The following SRPX2 variants were observed in gnomAD, a reference collection of about 807,000 sequenced individuals.
The protein encoded by SRPX2 is sushi repeat containing protein X-linked 2, also known as sushi repeat-containing protein SRPX2.
In SRPX2, 26 loss-of-function variants were observed where a neutral mutation model predicts 45.3. The ratio of observed to expected loss-of-function variants is 0.57; its 90% CI spans 0.42 to 0.80. The LOEUF (loss-of-function observed/expected upper bound fraction) is 0.80, where lower values mean the gene tolerates loss of function less well. SRPX2 is among the 30% of genes least tolerant of loss of function. The pLI, the probability that SRPX2 is intolerant of heterozygous loss-of-function variation, is 0.00. For synonymous variants in SRPX2, 125 were observed against 143.7 expected (o/e 0.87, Z 0.93); for missense variants, 355 against 399.8 (o/e 0.89, Z 0.95).
intron 4 of SRPX2, 95 bp downstream of exon 4, chrX:100,662,462 C>T: frequency 1.0e-6 from 1 of 991,880 alleles, no homozygotes; most frequent in Non-Finnish European, 1.4e-6. Flanking sequence ...TACTAATATG[C>T]CCTTCTCTCA....
Position 100,644,434 on chromosome X carries a change from G to T in SRPX2, c.-212G>T, listed in dbSNP as rs1395645676. ...CGTTCTAGGAATGTTAAAGTAGAAG[G>T]TTTTTTCCAATTGATGAGAGGAGCA... On this transcript the variant is annotated 5_prime_UTR_variant, in exon 1 of 11. Transcript: ENST00000373004. 1 of 111,798 alleles carries T rather than the reference G, an allele frequency of 8.9e-6. No homozygotes were observed. Among genetic ancestry groups the T allele is most frequent in the Non-Finnish European group, 1.9e-5 (1 of 53,215 alleles). The allele number at this position is 111,798 out of a possible 1,213,427, so 9.2% of individuals were successfully genotyped here.
At chrX:100,649,954 G>A (rs2083147359) in intron 2 of SRPX2, among the ~76,000 whole-genome samples, 1 of 112,065 alleles carries the variant, frequency 8.9e-6, no homozygotes, top group African/African-American at 3.2e-5. Flanking sequence ...TTTCCAATTA[G>A]TTCGTATTCA....
At chrX:100,669,185 G>A in intron 9 of SRPX2, 63 bp from the exon 10 acceptor site, 1 of 1,205,997 alleles carries the variant, frequency 8.3e-7, no homozygotes, top group South Asian at 1.8e-5. Context: ...GGAGGAATCA[G>A]CCAAGTAGCC....
chrX:100,645,322 A>C (rs996942608), intron 1 of SRPX2, among the ~76,000 whole-genome samples: 18 of 112,102 alleles, frequency 1.6e-4, no homozygotes, highest in African/African-American at 5.8e-4. Flanking sequence ...TGTCATTTAC[A>C]AAGTATTTGC....
At position 100,673,163 on chromosome X, in the gene SRPX2, A is replaced by G. The variant is rs2083235968; in HGVS notation, c.*2176A>G. On this transcript the variant is annotated 3_prime_UTR_variant, in exon 11 of 11. Coordinates refer to ENST00000373004, the MANE Select transcript of SRPX2 (RefSeq NM_014467.3). ...GAGATGAATGCCCTTCGTTGTCTTT[A>G]TCACTAACACTTCAAATGGGGCAAG... 1.8e-5 allele frequency: 2 copies of G among 111,786 alleles called. No homozygotes were observed. The highest frequency in any genetic ancestry group is 3.8e-5 in the Non-Finnish European group (2 of 53,197). The allele number at this position is 111,786 out of a possible 1,213,427, so 9.2% of individuals were successfully genotyped here. A position where few individuals can be genotyped will look rare whatever the true frequency, so the allele number is the denominator to read the frequency against.
chrX:100,664,236 T>C (rs1314432606), intron 4 of SRPX2, among the ~76,000 whole-genome samples: 2 of 108,753 alleles, frequency 1.8e-5, no homozygotes, highest in African/African-American at 3.4e-5. Flanking sequence ...TTTTTTACTC[T>C]TGATAAGTTG....
At position 100,662,350 on chromosome X, in the gene SRPX2, G is replaced by C. The variant is rs200034929; in HGVS notation, c.338G>C (p.Gly113Ala). 1 of 1,210,181 alleles carries C rather than the reference G, an allele frequency of 8.3e-7. No homozygotes were observed. The highest frequency in any genetic ancestry group is 1.1e-6 in the Non-Finnish European group (1 of 895,427). The change falls in exon 4 of 11, where the codon GGA becomes GCA. Residue 113 changes from glycine (G) to alanine (A), a missense_variant. Coordinates refer to ENST00000373004, the MANE Select transcript of SRPX2 (RefSeq NM_014467.3). ...TGCCTGCCAAGCCGTCGTTGGTCTG[G>C]AACTGCCTACTGCAGGCGTAAGTTG... ...VQCLPSRRWSGTAYCRQMRCH... is the reference protein window; with the variant it reads ...VQCLPSRRWSATAYCRQMRCH...
chrX:100,670,516 C>T (rs2083220699), intron 10 of SRPX2, among the ~76,000 whole-genome samples: 1 of 111,891 alleles, frequency 8.9e-6, no homozygotes, highest in African/African-American at 3.3e-5. Context: ...TGTGATAGCC[C>T]TGCTTAAAGG....
At position 100,662,499 on chromosome X, in the gene SRPX2, C is replaced by A. The variant is rs1569361076; in HGVS notation, c.355+132C>A. 3.9e-6 allele frequency: 3 copies of A among 769,112 alleles called. No individual in the cohort carries two copies. The East Asian group carries it at 9.8e-5, about 25-fold the overall frequency. 63.4% of individuals were successfully genotyped at this position (769,112 alleles called of 1,213,427 possible). A position where few individuals can be genotyped will look rare whatever the true frequency, so the allele number is the denominator to read the frequency against. ...GTACAAATTGAGAATATTCCATAAG[C>A]CCCCCAGCAGGGCCTTTCCCCATTC... On this transcript the variant is annotated intron_variant, in intron 4 of 10. Transcript: ENST00000373004.
At chrX:100,657,109 G>C (rs1039225457) in intron 3 of SRPX2, among the ~76,000 whole-genome samples, 1 of 108,593 alleles carries the variant, frequency 9.2e-6, no homozygotes, top group African/African-American at 3.3e-5. Flanking sequence ...TGTATTTTTA[G>C]TAGAGACGGG....
At chrX:100,654,887 C>T (rs1457398383) in intron 3 of SRPX2, among the ~76,000 whole-genome samples, 1 of 112,246 alleles carries the variant, frequency 8.9e-6, no homozygotes. Context: ...TATCCCAACT[C>T]CTAGCTTGGA....
Position 100,667,351 on chromosome X carries a change from A to C in SRPX2, c.1039A>C (p.Ile347Leu). 8.3e-7 allele frequency: 1 copy of C among 1,211,643 alleles called. No homozygotes were observed. The highest frequency in any genetic ancestry group is 1.8e-5 in the South Asian group (1 of 56,991). Residue 347 changes from isoleucine (I) to leucine (L), a missense_variant, in exon 9 of 11, where the codon ATC becomes CTC. Coordinates refer to ENST00000373004, the MANE Select transcript of SRPX2 (RefSeq NM_014467.3). ...CTATGAGAAACAGCGACTCCTCATC[A>C]TCTCAGCTCCTGATCCTTCCAACCG... The part of the protein sequence containing the change: ...QFYEKQRLLI[I>L]SAPDPSNRYY...
intron 3 of SRPX2, among the ~76,000 whole-genome samples, chrX:100,661,949 T>G (rs1436383544): frequency 6.9e-5 from 7 of 101,565 alleles, no homozygotes; most frequent in Non-Finnish European, 1.2e-4. Flanking sequence ...TTTTTTTTTT[T>G]TTTTTTTTTT....
intron 2 of SRPX2, among the ~76,000 whole-genome samples, chrX:100,648,931 C>A (rs1350580429): frequency 8.9e-6 from 1 of 112,669 alleles, no homozygotes; most frequent in Middle Eastern, 4.2e-3. Context: ...GGAATGCCCA[C>A]TCTGCTGCTT....
Position 100,662,384 on chromosome X carries a change from C to G in SRPX2, c.355+17C>G. 2.5e-6 allele frequency: 3 copies of G among 1,210,323 alleles called. No individual in the cohort carries two copies. Among genetic ancestry groups the G allele is most frequent in the Non-Finnish European group, 3.4e-6 (3 of 894,973 alleles). ...ACTGCAGGCGTAAGTTGTGTGTGTG[C>G]ATATGCTGATGTATGTATGCGAGAG... On this transcript the variant is annotated intron_variant, in intron 4 of 10. Transcript: ENST00000373004.
At chrX:100,661,573 C>T (rs1276198969) in intron 3 of SRPX2, among the ~76,000 whole-genome samples, 1 of 111,812 alleles carries the variant, frequency 8.9e-6, no homozygotes, top group Non-Finnish European at 1.9e-5. Flanking sequence ...AGATCGAGAC[C>T]ATCCTGGCTA....
chrX:100,673,673 T>C lies in SRPX2; in HGVS notation c.*2686T>C, dbSNP rs764582452. On this transcript the variant is annotated 3_prime_UTR_variant, in exon 11 of 11. Transcript: ENST00000373004. ...AAAGCATTCTGATTGTCCTACTTTT[T>C]GTAAATTGAACTTATTTAAGATATT... 1 of 111,894 alleles carries C rather than the reference T, an allele frequency of 8.9e-6. No individual in the cohort carries two copies. Among genetic ancestry groups the C allele is most frequent in the South Asian group, 3.8e-4 (1 of 2,650 alleles). The allele number at this position is 111,894 out of a possible 1,213,427, so 9.2% of individuals were successfully genotyped here.
In SRPX2 at chrX:100,665,403, C is replaced by A. The variant is rs368359919; in HGVS notation, c.659+34C>A. The A allele has an allele frequency of 1.2e-5, 14 of 1,204,788 alleles. No individual in the cohort carries two copies. In the African/African-American group the frequency reaches 2.4e-4, roughly 21 times the overall value. On this transcript the variant is annotated intron_variant, in intron 6 of 10. Coordinates refer to ENST00000373004, the MANE Select transcript of SRPX2 (RefSeq NM_014467.3). ...GAATAATGGATGCCCCTTATGCCTTCCCTCGGCTTCTCTCAGTCATTCAGG... is the reference window on the plus strand; with the variant it reads ...GAATAATGGATGCCCCTTATGCCTTACCTCGGCTTCTCTCAGTCATTCAGG...
At position 100,667,270 on chromosome X, in the gene SRPX2, C is replaced by G. The variant is rs751130909; in HGVS notation, c.962-4C>G. On this transcript the variant is annotated splice_region_variant and splice_polypyrimidine_tract_variant and intron_variant, in intron 8 of 10. Coordinates refer to ENST00000373004, the MANE Select transcript of SRPX2 (RefSeq NM_014467.3). ...CTCTGACTGGTCACCTGCTTCTGCC[C>G]TAGCTATGAAGATTAACGTCAACGT... is the stretch of plus-strand genomic sequence containing the variant. The G allele has an allele frequency of 7.4e-6, 9 of 1,211,679 alleles. No homozygotes were observed. Among genetic ancestry groups the G allele is most frequent in the Non-Finnish European group, 1.0e-5 (9 of 895,483 alleles).
Sources: gnomAD v4.1 joint callset for allele counts (sites outside exome capture counted in the v4.1 genomes callset) on GRCh38, gnomAD v4.1.1 for gene constraint, MANE v1.5 for transcripts, NCBI Gene and HGNC (gene_info 2026-07-23, HGNC 2026-07-21) for gene names.